The following SCN4A variants were observed in gnomAD, a reference collection of about 807,000 sequenced individuals.
The protein encoded by SCN4A is sodium voltage-gated channel alpha subunit 4.
SCN4A carries 83 observed loss-of-function variants against 162.0 expected under a neutral mutation model. The ratio of observed to expected loss-of-function variants is 0.51; its 90% confidence interval spans 0.43 to 0.61. The LOEUF (loss-of-function observed/expected upper bound fraction) is 0.61, where lower values mean the gene tolerates loss of function less well. Ranked by LOEUF, SCN4A falls within the 20% of genes least tolerant of loss-of-function variation. SCN4A has a pLI of 0.00. For synonymous variants in SCN4A, 944 were observed against 985.1 expected (o/e 0.96, Z 0.78); for missense variants, 2,196 against 2,462.5 (o/e 0.89, Z 2.29).
At position 63,944,146 on chromosome 17, in the gene SCN4A, T is replaced by C. The variant is rs1220041659; in HGVS notation, c.3913-296A>G. 6.6e-6 allele frequency among the ~76,000 whole-genome samples: 1 copy of C among 152,010 alleles called. No individual in the cohort carries two copies. Among genetic ancestry groups the C allele is most frequent in the Non-Finnish European group, 1.5e-5 (1 of 67,990 alleles). ...AGGCAGGTTGTAGCAGCCTCGTCTT[T>C]TTTTTTGTTGTTGAGATGGAGTCTC... On this transcript the variant is annotated intron_variant, in intron 21 of 23. Coordinates refer to ENST00000435607, the MANE Select transcript of SCN4A (RefSeq NM_000334.4). The surrounding 1 kb of genome is among the most constrained non-coding windows in gnomAD (Gnocchi z 4.3).
chr17:63,948,573 G>A, intron 16 of SCN4A, 38 bp downstream of exon 16: 1 of 1,591,108 alleles, frequency 6.3e-7, no homozygotes, highest in East Asian at 2.2e-5. Flanking sequence ...TGTGGGCCTG[G>A]CCCCTGCCCC....
intron 7 of SCN4A, 68 bp downstream of exon 7, chr17:63,966,413 A>C (rs1014024375): frequency 2.0e-6 from 3 of 1,488,212 alleles, no homozygotes; most frequent in Non-Finnish European, 2.8e-6. Context: ...CCAGGTCCTC[A>C]TCTCTAATCA....
intron 6 of SCN4A, among the ~76,000 whole-genome samples, chr17:63,967,617 G>A (rs1004009777): frequency 1.3e-5 from 2 of 152,052 alleles, no homozygotes; most frequent in East Asian, 1.9e-4. Flanking sequence ...TCAGGTCCTC[G>A]CCATACTATT....
rs1908695628 is a variant in SCN4A at position 63,945,709 on chromosome 17, C to T, written c.3442-71G>A. The T allele has an allele frequency of 6.5e-7, 1 of 1,545,924 alleles. No individual in the cohort carries two copies. The highest frequency in any genetic ancestry group is 1.7e-5 in the Admixed American group (1 of 59,428). On this transcript the variant is annotated intron_variant, in intron 18 of 23. Transcript: ENST00000435607. This position sits in a 1 kb window ranked among gnomAD's most constrained non-coding sequence, Gnocchi z 4.4. The stretch of plus-strand genomic sequence containing the variant: ...GAGAGGGCTCCACATCTCTACGCCA[C>T]CCAGGGGACCAGGCAGAGCTGGGCA...
At chr17:63,963,913 C>T in intron 9 of SCN4A, 88 bp from the exon 10 acceptor site, 1 of 1,302,428 alleles carries the variant, frequency 7.7e-7, no homozygotes, top group Non-Finnish European at 1.0e-6. Flanking sequence ...TTCCAGAGTC[C>T]TTCAGGGTGG....
rs141865411 is a variant in SCN4A at position 63,963,076 on chromosome 17, T to TCATC, written c.1606+592_1606+595dup. Among the ~76,000 whole-genome samples the TCATC allele has an allele frequency of 2.2e-3, 330 of 152,066 alleles. 5 individuals carry two copies. The highest frequency in any genetic ancestry group is 5.8e-4 in the East Asian group (3 of 5,190). ...TCCTGCCTCCCTACTTCCCTCCCTC[T>TCATC]CATCCATCCATCCATCCATCCATCC... On this transcript the variant is annotated intron_variant, in intron 10 of 23. Coordinates refer to ENST00000435607, the MANE Select transcript of SCN4A (RefSeq NM_000334.4).
At chr17:63,960,102 C>T (rs1322687403) in intron 11 of SCN4A, among the ~76,000 whole-genome samples, 6 of 152,364 alleles carry the variant, frequency 3.9e-5, no homozygotes, top group Middle Eastern at 3.4e-3. Flanking sequence ...ATTGCACAGT[C>T]CCTGAAAGCT....
chr17:63,940,906 C>CTT lies in SCN4A; in HGVS notation c.5375_5376insAA (p.Glu1793ArgfsTer16). On this transcript the variant is annotated frameshift_variant, in exon 24 of 24. Transcript: ENST00000435607. LOFTEE classifies it low-confidence loss of function (END_TRUNC). Reference sequence around the variant, plus strand: ...CGTCCCCTGCCTCGCCCTTCTCCTCCGGGCTTGGCGAGCTGCTGTTCCCAT... The same window carrying CTT: ...CGTCCCCTGCCTCGCCCTTCTCCTCCTTGGGCTTGGCGAGCTGCTGTTCCCAT... The CTT allele has an allele frequency of 2.5e-6, 4 of 1,613,954 alleles. No individual in the cohort carries two copies. The South Asian group carries it at 4.4e-5, about 18-fold the overall frequency.
chr17:63,943,059 T>G lies in SCN4A; in HGVS notation c.4055A>C (p.Lys1352Thr), dbSNP rs1908597033. The G allele has an allele frequency of 6.2e-7, 1 of 1,613,706 alleles. No homozygotes were observed. The highest frequency in any genetic ancestry group is 8.5e-7 in the Non-Finnish European group (1 of 1,179,754). ...IQGMVYDLVT[K>T]QAFDITIMIL... ...CATGATGGTGATGTCGAAGGCCTGCTTCGTCACGAGGTCATACACCATGCC... is the reference window on the plus strand; with the variant it reads ...CATGATGGTGATGTCGAAGGCCTGCGTCGTCACGAGGTCATACACCATGCC... The change falls in exon 23 of 24, where the codon AAG becomes ACG. Residue 1352 changes from lysine (K) to threonine (T), a missense_variant. By Grantham distance (78) the Lys-to-Thr change is moderately conservative (BLOSUM62 -1). Coordinates refer to ENST00000435607, the MANE Select transcript of SCN4A (RefSeq NM_000334.4).
Position 63,951,405 on chromosome 17 carries a change from A to G in SCN4A, c.2853+19T>C. On this transcript the variant is annotated intron_variant, in intron 14 of 23. Coordinates refer to ENST00000435607, the MANE Select transcript of SCN4A (RefSeq NM_000334.4). The surrounding 1 kb of genome is among the most constrained non-coding windows in gnomAD (Gnocchi z 4.5). Reference sequence around the variant, plus strand: ...GAGAATTTGAAGCCGGGTCTGTCTGAGCCCCAGCCCCGGCTCACCTTGCTA... The same window carrying G: ...GAGAATTTGAAGCCGGGTCTGTCTGGGCCCCAGCCCCGGCTCACCTTGCTA... The G allele has an allele frequency of 6.5e-7, 1 of 1,532,484 alleles. No individual in the cohort carries two copies. Among genetic ancestry groups the G allele is most frequent in the Non-Finnish European group, 8.9e-7 (1 of 1,123,366 alleles). The allele number at this position is 1,532,484 out of a possible 1,614,324, so 94.9% of individuals were successfully genotyped here.
Position 63,964,594 on chromosome 17 carries a change from G to A in SCN4A, c.1326C>T (p.Ile442=), listed in dbSNP as rs1909376846. 2 of 1,613,794 alleles carry A rather than the reference G, an allele frequency of 1.2e-6. No homozygotes were observed. Among genetic ancestry groups the A allele is most frequent in the East Asian group, 2.2e-5 (1 of 44,886 alleles). The change falls in exon 9 of 24, where the codon ATC becomes ATT. Residue 442 remains isoleucine, a synonymous_variant. Transcript: ENST00000435607. ...CATATGCCATGGCCACCACGGCCAG[G>A]ATCAGATTGATGAGGTAGAAAGAGC... is the stretch of plus-strand genomic sequence containing the variant. ...FLGSFYLINL[I]LAVVAMAYAE...
At position 63,941,010 on chromosome 17, in the gene SCN4A, G is replaced by C; in HGVS notation, c.5272C>G (p.His1758Asp). 6.2e-7 allele frequency: 1 copy of C among 1,613,800 alleles called. No homozygotes were observed. Among genetic ancestry groups the C allele is most frequent in the Non-Finnish European group, 8.5e-7 (1 of 1,179,700 alleles). ...KQASYMYRHS[H>D]DGSGDDAPEK... Reference sequence around the variant, plus strand: ...GGGGCGTCATCCCCGCTGCCGTCGTGGCTGTGGCGGTACATGTAGGATGCC... The same window carrying C: ...GGGGCGTCATCCCCGCTGCCGTCGTCGCTGTGGCGGTACATGTAGGATGCC... The change falls in exon 24 of 24, where the codon CAC becomes GAC. Residue 1758 changes from histidine to aspartate, a missense_variant. Physicochemically the swap from His to Asp is moderately conservative, Grantham distance 81. Transcript: ENST00000435607. The surrounding 1 kb of genome is among the most constrained non-coding windows in gnomAD (Gnocchi z 6.2).
intron 18 of SCN4A, 29 bp downstream of exon 18, chr17:63,947,016 C>T: frequency 6.6e-6 from 10 of 1,526,286 alleles, no homozygotes; most frequent in Non-Finnish European, 8.1e-6. Flanking sequence ...CCATCCCCAG[C>T]CCACCCCAGA....
intron 16 of SCN4A, among the ~76,000 whole-genome samples, chr17:63,948,282 A>G (rs1908793382): frequency 6.6e-6 from 1 of 152,030 alleles, no homozygotes; most frequent in South Asian, 2.1e-4. Flanking sequence ...TCCAAGCCCA[A>G]CAACAGCAAA....
chr17:63,944,742 A>C lies in SCN4A; in HGVS notation c.3843T>G (p.Phe1281Leu). Reference sequence around the variant, plus strand: ...AGAGGTTGAGGGTGAAGAAGGAGCCAAAGATGATGAAGATGACAAAGTAGA... The same window carrying C: ...AGAGGTTGAGGGTGAAGAAGGAGCCCAAGATGATGAAGATGACAAAGTAGA... ...MYLYFVIFII[F>L]GSFFTLNLFI... Residue 1281 changes from phenylalanine to leucine, a missense_variant, in exon 21 of 24, where the codon TTT becomes TTG. By Grantham distance (22) the Phe-to-Leu change is conservative (BLOSUM62 0). Coordinates refer to ENST00000435607, the MANE Select transcript of SCN4A (RefSeq NM_000334.4). The surrounding 1 kb of genome is among the most constrained non-coding windows in gnomAD (Gnocchi z 4.3). The C allele has an allele frequency of 6.2e-7, 1 of 1,613,790 alleles. No homozygotes were observed. The highest frequency in any genetic ancestry group is 8.5e-7 in the Non-Finnish European group (1 of 1,179,826).
At chr17:63,955,745 C>T (rs1009258374) in intron 13 of SCN4A, among the ~76,000 whole-genome samples, 3 of 152,196 alleles carry the variant, frequency 2.0e-5, no homozygotes, top group Admixed American at 6.5e-5. Flanking sequence ...TCTCCCCACT[C>T]CCTAAGACCC....
chr17:63,964,812 C>T (rs568483106), intron 8 of SCN4A, 135 bp from the exon 9 acceptor site: 3 of 669,130 alleles, frequency 4.5e-6, no homozygotes, highest in East Asian at 2.7e-5. Flanking sequence ...GACTGATGGC[C>T]GTCATTGGCA....
Position 63,947,041 on chromosome 17 carries a change from C to T in SCN4A, c.3441+4G>A, listed in dbSNP as rs765176007. ...CCCACCCCAGAGGCCCCTTCAGCAC[C>T]CACCCTCATGCCCTCGAATCGGGAC... On this transcript the variant is annotated splice_donor_region_variant and intron_variant, in intron 18 of 23. Coordinates refer to ENST00000435607, the MANE Select transcript of SCN4A (RefSeq NM_000334.4). 5.6e-6 allele frequency: 9 copies of T among 1,611,084 alleles called. No individual in the cohort carries two copies. The highest frequency in any genetic ancestry group is 6.8e-6 in the Non-Finnish European group (8 of 1,178,916).
Position 63,961,369 on chromosome 17 carries a change from T to G in SCN4A, c.1669A>C (p.Ile557Leu). The G allele has an allele frequency of 6.2e-7, 1 of 1,613,854 alleles. No homozygotes were observed. Among genetic ancestry groups the G allele is most frequent in the Non-Finnish European group, 8.5e-7 (1 of 1,179,818 alleles). Residue 557 changes from isoleucine (I) to leucine (L), a missense_variant, in exon 11 of 24, where the codon ATA becomes CTA. Coordinates refer to ENST00000435607, the MANE Select transcript of SCN4A (RefSeq NM_000334.4). ...AGCCACGGGGCGCAGCAGTTCCATA[T>G]GAGCACTTTGTGGGCGCACTTGTAC... ...WWYKCAHKVL[I>L]WNCCAPWLKF...
Sources: allele counts gnomAD v4.1 joint callset (sites outside exome capture counted in the v4.1 genomes callset), GRCh38; gene constraint gnomAD v4.1.1; non-coding constraint Gnocchi (gnomAD v3.1); transcripts MANE v1.5; gene names NCBI Gene and HGNC (gene_info 2026-07-23, HGNC 2026-07-21).